EIF2B3: variants seen among roughly 807,000 people sequenced by gnomAD.
The protein encoded by EIF2B3 is translation initiation factor eIF2B subunit gamma.
EIF2B3 carries 20 observed loss-of-function variants against 54.1 expected under a neutral mutation model. The observed-to-expected ratio is 0.37, with a 90% confidence interval of 0.26 to 0.54. EIF2B3 has a LOEUF of 0.54. EIF2B3 is among the 20% of genes least tolerant of loss of function. EIF2B3 has a pLI of 0.86. For synonymous variants in EIF2B3, 153 were observed against 188.1 expected, an observed-to-expected ratio of 0.81 and a Z score of 1.52; for missense variants, 448 against 547.8, an observed-to-expected ratio of 0.82 and a Z score of 1.82.
intron 5 of EIF2B3, among the ~76,000 whole-genome samples, chr1:44,901,925 A>G (rs1456486857): frequency 2.6e-5 from 4 of 151,418 alleles, no homozygotes; most frequent in African/African-American, 9.7e-5. Context: ...AATCTATACA[A>G]CTCTTACAGT....
intron 3 of EIF2B3, among the ~76,000 whole-genome samples, chr1:44,962,209 A>ATCATCG (rs1366711521): frequency 6.8e-6 from 1 of 146,704 alleles, no homozygotes; most frequent in Non-Finnish European, 1.5e-5. Flanking sequence ...CATCAACATC[A>ATCATCG]TCATCATCAT....
At chr1:44,968,102 C>A (rs1644364420) in intron 3 of EIF2B3, among the ~76,000 whole-genome samples, 1 of 151,346 alleles carries the variant, frequency 6.6e-6, no homozygotes, top group South Asian at 2.1e-4. Flanking sequence ...GTGACTCTTG[C>A]CTGTAAATCC....
chr1:44,901,338 A>C (rs1569663922), intron 5 of EIF2B3, among the ~76,000 whole-genome samples: 1 of 151,794 alleles, frequency 6.6e-6, no homozygotes, highest in South Asian at 2.1e-4. Context: ...CTGGTCTCAA[A>C]CTCCTGACCT....
chr1:44,860,318 A>C (rs1468714561), intron 10 of EIF2B3, among the ~76,000 whole-genome samples: 2 of 152,114 alleles, frequency 1.3e-5, no homozygotes, highest in Non-Finnish European at 2.9e-5. Context: ...CCTGGCTAAC[A>C]AATCTAGTAA....
chr1:44,914,839 C>T (rs2148924863), intron 5 of EIF2B3, among the ~76,000 whole-genome samples: 1 of 152,244 alleles, frequency 6.6e-6, no homozygotes, highest in Non-Finnish European at 1.5e-5. Flanking sequence ...CAAGTTCCCG[C>T]CACCACGCCC....
chr1:44,981,407 G>C (rs1172768111), intron 1 of EIF2B3, among the ~76,000 whole-genome samples: 5 of 152,018 alleles, frequency 3.3e-5, no homozygotes, highest in African/African-American at 4.8e-5. Context: ...AGGAATGCAG[G>C]GGCTTTGCCC....
Position 44,978,417 on chromosome 1 carries a change from A to C in EIF2B3, c.192T>G (p.Cys64Trp). The change falls in exon 3 of 12, where the codon TGT (cysteine) becomes TGG (tryptophan). Residue 64 changes from cysteine (C) to tryptophan (W), a missense_variant. Cys to Trp is a radical substitution (Grantham distance 215, BLOSUM62 -2). Coordinates refer to ENST00000360403, the MANE Select transcript of EIF2B3 (RefSeq NM_020365.5). ...GCTTCATTTTCATCTTGAATTCTGC[A>C]CATAGAGCCTTTTGAACATCCCTGG... ...VTTRDVQKAL[C>W]AEFKMKMKPD... 6.2e-7 allele frequency: 1 copy of C among 1,613,794 alleles called. No homozygotes were observed. The highest frequency in any genetic ancestry group is 2.2e-5 in the East Asian group (1 of 44,876).
At chr1:44,898,933 C>T (rs1242395350) in intron 5 of EIF2B3, among the ~76,000 whole-genome samples, 2 of 152,082 alleles carry the variant, frequency 1.3e-5, no homozygotes, top group African/African-American at 2.4e-5. Context: ...CTCAAGCAAT[C>T]CCCCTACCTC....
intron 1 of EIF2B3, among the ~76,000 whole-genome samples, chr1:44,982,741 C>T (rs1396634671): frequency 1.3e-5 from 2 of 151,308 alleles, no homozygotes; most frequent in African/African-American, 4.9e-5. Flanking sequence ...GCTGGGACTA[C>T]AGGTGGGTAC....
At chr1:44,852,679 T>C (rs896056609) in intron 11 of EIF2B3, among the ~76,000 whole-genome samples, 3 of 150,796 alleles carry the variant, frequency 2.0e-5, no homozygotes, top group African/African-American at 7.3e-5. Context: ...CTCGGGAGGC[T>C]GAGGCAGCAG....
intron 3 of EIF2B3, among the ~76,000 whole-genome samples, chr1:44,961,884 C>CTTA (rs1644288287): frequency 1.3e-5 from 2 of 152,044 alleles, no homozygotes; most frequent in Non-Finnish European, 2.9e-5. Context: ...CATCACCCTA[C>CTTA]CTTATCACAA....
intron 3 of EIF2B3, among the ~76,000 whole-genome samples, chr1:44,960,495 C>A (rs1222457606): frequency 6.6e-6 from 1 of 151,942 alleles, no homozygotes; most frequent in African/African-American, 2.4e-5. Flanking sequence ...AAAAATTAGC[C>A]AGGCGAGGTG....
chr1:44,954,823 C>T (rs1644204946), intron 3 of EIF2B3, among the ~76,000 whole-genome samples: 2 of 152,110 alleles, frequency 1.3e-5, no homozygotes, highest in African/African-American at 4.8e-5. Context: ...GGAATGCTTC[C>T]AGCTTTTGCC....
chr1:44,932,215 G>C (rs1643902808), intron 4 of EIF2B3: 1 of 151,902 alleles, frequency 6.6e-6, no homozygotes, highest in East Asian at 1.9e-4. Context: ...ATGAGAAAAG[G>C]GTGCCAACTA....
At position 44,928,489 on chromosome 1, in the gene EIF2B3, T is replaced by A. The variant is rs189669269; in HGVS notation, c.455-1750A>T. On this transcript the variant is annotated intron_variant, in intron 4 of 11. Coordinates refer to ENST00000360403, the MANE Select transcript of EIF2B3 (RefSeq NM_020365.5). ...ATTAAGTAAAGTTACTTTATTTATT[T>A]AGGGCGCTTCGTTTTTTTTTTTTTT... Among the ~76,000 whole-genome samples the A allele has an allele frequency of 8.8e-5, 13 of 147,894 alleles. 1 individual carries two copies. The highest frequency in any genetic ancestry group is 2.7e-4 in the Admixed American group (4 of 14,770).
chr1:44,892,459 A>G lies in EIF2B3; in HGVS notation c.656+4896T>C, dbSNP rs263974. Among the ~76,000 whole-genome samples the G allele has an allele frequency of 6.6e-3, 1,009 of 152,142 alleles. 13 individuals carry two copies. The highest frequency in any genetic ancestry group is 0.023 in the African/African-American group (958 of 41,508). ...GCCAGTCATGGTGGTGAGTGCCTGT[A>G]GTCCCAGTTACTCGGGAGGCTGAGG... is the stretch of plus-strand genomic sequence containing the variant. On this transcript the variant is annotated intron_variant, in intron 6 of 11. Coordinates refer to ENST00000360403, the MANE Select transcript of EIF2B3 (RefSeq NM_020365.5).
At chr1:44,878,430 T>G (rs551069301) in intron 8 of EIF2B3, among the ~76,000 whole-genome samples, 3 of 152,188 alleles carry the variant, frequency 2.0e-5, no homozygotes, top group African/African-American at 7.2e-5. Flanking sequence ...GCTTGGCTAA[T>G]TTTTGTATTT....
chr1:44,981,202 A>G, intron 1 of EIF2B3, 25 bp from the exon 2 acceptor site: 1 of 1,612,974 alleles, frequency 6.2e-7, no homozygotes. Context: ...AAAACAATTA[A>G]CAGAAAAAAA....
chr1:44,864,491 G>A (rs1654709071), intron 10 of EIF2B3, among the ~76,000 whole-genome samples: 1 of 152,126 alleles, frequency 6.6e-6, no homozygotes, highest in African/African-American at 2.4e-5. Flanking sequence ...GAACCCAGGA[G>A]GCAGAGGTTG....
Sources: gnomAD v4.1 joint callset for allele counts (sites outside exome capture counted in the v4.1 genomes callset) on GRCh38, gnomAD v4.1.1 for gene constraint, MANE v1.5 for transcripts, NCBI Gene and HGNC (gene_info 2026-07-23, HGNC 2026-07-21) for gene names.